Variants in EYA1 observed in about 807,000 individuals in gnomAD.
EYA1 encodes the protein EYA transcriptional coactivator and phosphatase 1.
A neutral mutation model predicts 82.0 loss-of-function variants in EYA1; 16 were observed. The observed-to-expected ratio is 0.20, with a 90% CI of 0.13 to 0.30. The LOEUF (loss-of-function observed/expected upper bound fraction) is 0.30, where lower values mean the gene tolerates loss of function less well. Ranked by LOEUF, EYA1 falls within the 10% of genes least tolerant of loss-of-function variation. EYA1 has a pLI of 1.00. For synonymous variants in EYA1, 261 were observed against 264.4 expected, an observed-to-expected ratio of 0.99 and a Z score of 0.12; for missense variants, 633 against 730.7, an observed-to-expected ratio of 0.87 and a Z score of 1.54.
At chr8:71,226,316 A>G (rs1195538374) in intron 12 of EYA1, among the ~76,000 whole-genome samples, 2 of 152,034 alleles carry the variant, frequency 1.3e-5, no homozygotes, top group Admixed American at 1.3e-4. Context: ...CAGAATCCCA[A>G]AGGTATCACA....
intron 2 of EYA1, among the ~76,000 whole-genome samples, chr8:71,479,238 T>C (rs1039821934): frequency 5.9e-5 from 9 of 152,132 alleles, no homozygotes; most frequent in African/African-American, 1.7e-4. Context: ...TTCCATGACA[T>C]TGAGAAATTT....
chr8:71,366,411 G>T (rs1045010378), upstream of EYA1, among the ~76,000 whole-genome samples: 1 of 152,100 alleles, frequency 6.6e-6, no homozygotes, highest in Non-Finnish European at 1.5e-5. Context: ...AAGTTATTTT[G>T]CTTTCTCGCG....
At chr8:71,393,973 G>C (rs954240867) in intron 2 of EYA1, among the ~76,000 whole-genome samples, 2 of 152,132 alleles carry the variant, frequency 1.3e-5, no homozygotes, top group African/African-American at 4.8e-5. Flanking sequence ...CATTTTTAAT[G>C]ATTGCCATTC....
rs1012499991 is a variant in EYA1 at position 71,197,526 on chromosome 8, C to T, written c.*1814G>A. 1 of 152,472 alleles carries T rather than the reference C, an allele frequency of 6.6e-6. No homozygotes were observed. Among genetic ancestry groups the T allele is most frequent in the Non-Finnish European group, 1.5e-5 (1 of 68,018 alleles). The allele number at this position is 152,472 out of a possible 1,614,324, so 9.4% of individuals were successfully genotyped here. A position where few individuals can be genotyped will look rare whatever the true frequency, so the allele number is the denominator to read the frequency against. ...ACGGTGGACACAGCACACCTTTATA[C>T]AGTAAGGCCAAGATAAACTTTGTCT... On this transcript the variant is annotated 3_prime_UTR_variant, in exon 18 of 18. Transcript: ENST00000340726.
rs530970328 is a variant in EYA1 at position 71,303,273 on chromosome 8, T to G, written c.557-3553A>C. Among the ~76,000 whole-genome samples, 16 of 136,128 alleles carry G rather than the reference T, an allele frequency of 1.2e-4. 3 individuals are homozygous for G. Among genetic ancestry groups the G allele is most frequent in the African/African-American group, 4.1e-4 (16 of 39,120 alleles). 89.3% of individuals were successfully genotyped at this position (136,128 alleles called of 152,430 possible). On this transcript the variant is annotated intron_variant, in intron 7 of 17. Coordinates refer to ENST00000340726, the MANE Select transcript of EYA1 (RefSeq NM_000503.6). ...TCTGTCCATCTATCTCCATGATATA[T>G]GTGTGTGTTTATCAATCTCTGTGAT...
chr8:71,440,394 T>C (rs1806334336), intron 2 of EYA1, among the ~76,000 whole-genome samples: 1 of 152,188 alleles, frequency 6.6e-6, no homozygotes, highest in Admixed American at 6.6e-5. Flanking sequence ...TGGGCAGGGC[T>C]GGTCAAAATA....
At chr8:71,287,451 A>C (rs1243082986) in intron 9 of EYA1, among the ~76,000 whole-genome samples, 1 of 152,194 alleles carries the variant, frequency 6.6e-6, no homozygotes, top group Non-Finnish European at 1.5e-5. Flanking sequence ...CGAGGTCTCT[A>C]GGTAAATTAA....
intron 8 of EYA1, 50 bp downstream of exon 8, chr8:71,299,588 T>C: frequency 1.0e-6 from 1 of 998,656 alleles, no homozygotes; most frequent in Non-Finnish European, 1.6e-6. Context: ...AAGAAAATCA[T>C]GTTGCATTTA....
chr8:71,430,933 G>A (rs1043974459), intron 2 of EYA1, among the ~76,000 whole-genome samples: 1 of 151,272 alleles, frequency 6.6e-6, no homozygotes, highest in Non-Finnish European at 1.5e-5. Flanking sequence ...CAGGGCCTAA[G>A]AACATGGAAC....
At chr8:71,439,198 A>T (rs1806225568) in intron 2 of EYA1, among the ~76,000 whole-genome samples, 2 of 152,312 alleles carry the variant, frequency 1.3e-5, no homozygotes, top group South Asian at 4.1e-4. Flanking sequence ...GTGGCACCAA[A>T]GCTGGGACTA....
In EYA1 at chr8:71,203,686, G is replaced by A. The variant is rs146760934; in HGVS notation, c.1699-4266C>T. 1.8e-4 allele frequency among the ~76,000 whole-genome samples: 28 copies of A among 152,016 alleles called. No individual in the cohort carries two copies. In the East Asian group the frequency reaches 4.5e-3, roughly 24 times the overall value. On this transcript the variant is annotated intron_variant, in intron 17 of 17. Coordinates refer to ENST00000340726, the MANE Select transcript of EYA1 (RefSeq NM_000503.6). ...CTTTTGTCTTGTAAATGGAAGGAGC[G>A]AGAGGCTAACACTTCCTCAGTGCCA...
At chr8:71,251,244 A>G (rs1813709143) in intron 11 of EYA1, among the ~76,000 whole-genome samples, 1 of 152,224 alleles carries the variant, frequency 6.6e-6, no homozygotes, top group Admixed American at 6.5e-5. Context: ...TAGAAATTGA[A>G]TAGTACAGTG....
intron 2 of EYA1, among the ~76,000 whole-genome samples, chr8:71,405,771 T>TACAAAA (rs995146287): frequency 9.9e-5 from 15 of 151,622 alleles, no homozygotes; most frequent in Admixed American, 4.6e-4. Flanking sequence ...ATATACCCCT[T>TACAAAA]ACAAAAACAA....
chr8:71,289,975 T>C (rs1818816088), intron 9 of EYA1, among the ~76,000 whole-genome samples: 1 of 152,186 alleles, frequency 6.6e-6, no homozygotes, highest in South Asian at 2.1e-4. Context: ...TTGTTAAGTA[T>C]ATGTTTATAT....
intron 2 of EYA1, among the ~76,000 whole-genome samples, chr8:71,431,508 A>G (rs1040481431): frequency 6.6e-6 from 1 of 152,160 alleles, no homozygotes; most frequent in Non-Finnish European, 1.5e-5. Flanking sequence ...CTCTTCAAAA[A>G]AAGAAAAACA....
At chr8:71,251,564 C>T (rs1160078165) in intron 11 of EYA1, among the ~76,000 whole-genome samples, 2 of 152,200 alleles carry the variant, frequency 1.3e-5, no homozygotes, top group Non-Finnish European at 2.9e-5. Context: ...GTTTTCAGTA[C>T]ATCAAAGGCA....
chr8:71,294,792 A>C (rs1364090742), intron 9 of EYA1, among the ~76,000 whole-genome samples: 1 of 152,192 alleles, frequency 6.6e-6, no homozygotes, highest in Non-Finnish European at 1.5e-5. Context: ...ACAATGCTGA[A>C]GGAGAAGAAA....
At chr8:71,277,526 A>T (rs1045431101) in intron 9 of EYA1, among the ~76,000 whole-genome samples, 4 of 152,280 alleles carry the variant, frequency 2.6e-5, no homozygotes, top group Admixed American at 2.6e-4. Flanking sequence ...GATCAAACTC[A>T]AGAATCTTTG....
chr8:71,246,378 G>A (rs904537029), intron 11 of EYA1, among the ~76,000 whole-genome samples: 4 of 152,240 alleles, frequency 2.6e-5, no homozygotes, highest in Non-Finnish European at 4.4e-5. Flanking sequence ...TGTGTGTCAT[G>A]TGCCTTTGAG....
Sources: allele counts gnomAD v4.1 joint callset (sites outside exome capture counted in the v4.1 genomes callset), GRCh38; gene constraint gnomAD v4.1.1; transcripts MANE v1.5; gene names NCBI Gene and HGNC (gene_info 2026-07-23, HGNC 2026-07-21).